NSMCE2: variants seen among roughly 807,000 people sequenced by gnomAD.
NSMCE2 encodes the protein E3 SUMO-protein ligase NSE2.
In NSMCE2, 24 loss-of-function variants were observed where a neutral mutation model predicts 23.8. That is an observed-to-expected ratio of 1.01 (90% confidence interval 0.73 to 1.42). NSMCE2 has a LOEUF of 1.42. Among genes scored for constraint, NSMCE2 ranks in the 40% most tolerant of loss-of-function variants. The probability of loss-of-function intolerance (pLI) is 0.00; values close to 1 mark genes in which losing one functional copy is unlikely to be tolerated. For synonymous variants in NSMCE2, 92 were observed against 94.1 expected, an observed-to-expected ratio of 0.98 and a Z score of 0.13; for missense variants, 284 against 296.5, an observed-to-expected ratio of 0.96 and a Z score of 0.31.
At chr8:125,125,164 T>G (rs1784670600) in intron 3 of NSMCE2, among the ~76,000 whole-genome samples, 1 of 152,060 alleles carries the variant, frequency 6.6e-6, no homozygotes, top group South Asian at 2.1e-4. Flanking sequence ...TGGATGCCCT[T>G]TATTTCTTTT....
chr8:125,142,649 T>C (rs992189537), intron 3 of NSMCE2, among the ~76,000 whole-genome samples: 1 of 151,962 alleles, frequency 6.6e-6, no homozygotes, highest in Admixed American at 6.6e-5. Flanking sequence ...TTGTTGCCCA[T>C]GCTGGAGGAC....
chr8:125,292,259 A>C (rs1041530949), intron 5 of NSMCE2, among the ~76,000 whole-genome samples: 4 of 151,880 alleles, frequency 2.6e-5, no homozygotes, highest in Non-Finnish European at 4.4e-5. Context: ...AAAGAAGAAG[A>C]AGCTGTGGGA....
rs147791903 is a variant in NSMCE2, at chr8:125,233,061, C to T, written c.418+50805C>T. On this transcript the variant is annotated intron_variant, in intron 5 of 7. Transcript: ENST00000287437. Reference sequence around the variant, plus strand: ...CATCTTCTACAGGGATGTGACCTTACGGAAAAGTAAGGAATCTGAAGCGTG... The same window carrying T: ...CATCTTCTACAGGGATGTGACCTTATGGAAAAGTAAGGAATCTGAAGCGTG... 9.2e-5 allele frequency among the ~76,000 whole-genome samples: 14 copies of T among 152,274 alleles called. No homozygotes were observed. The East Asian group carries it at 1.7e-3, about 19-fold the overall frequency.
At chr8:125,185,376 G>T (rs1273695816) in intron 5 of NSMCE2, among the ~76,000 whole-genome samples, 2 of 151,834 alleles carry the variant, frequency 1.3e-5, no homozygotes, top group Admixed American at 6.6e-5. Flanking sequence ...GTGCAACCCT[G>T]GCTCACTTCA....
chr8:125,262,096 C>CAAAAT (rs10654840), intron 5 of NSMCE2, among the ~76,000 whole-genome samples: 59,461 of 142,784 alleles, frequency 0.42, 14,833 homozygotes, highest in Non-Finnish European at 0.54. Context: ...GACTCTGTCT[C>CAAAAT]AAAATAAAAT....
rs113680037 is a variant in NSMCE2 at position 125,172,769 on chromosome 8, A to G, written c.265-9334A>G. ...AGATACTTTAGTCTTAGCTTTTGCT[A>G]TTGGTTCTGAATCCAAAGTTGGTAT... On this transcript the variant is annotated intron_variant, in intron 4 of 7. Transcript: ENST00000287437. Among the ~76,000 whole-genome samples, 824 of 152,352 alleles carry G rather than the reference A, an allele frequency of 5.4e-3. 13 individuals are homozygous for G. The highest frequency in any genetic ancestry group is 0.024 in the Middle Eastern group (7 of 294).
At chr8:125,106,992 T>A (rs1818493560) in intron 3 of NSMCE2, among the ~76,000 whole-genome samples, 1 of 150,736 alleles carries the variant, frequency 6.6e-6, no homozygotes, top group African/African-American at 2.4e-5. Flanking sequence ...CAAAATTCTG[T>A]CTCAAAAAAA....
intron 5 of NSMCE2, among the ~76,000 whole-genome samples, chr8:125,328,650 A>C (rs1829764489): frequency 6.6e-6 from 1 of 152,318 alleles, no homozygotes; most frequent in East Asian, 1.9e-4. Flanking sequence ...CTGGTGCACA[A>C]ATTCTCAATG....
intron 5 of NSMCE2, among the ~76,000 whole-genome samples, chr8:125,304,873 GCC>G (rs1828692720): frequency 7.0e-6 from 1 of 143,820 alleles, no homozygotes; most frequent in Non-Finnish European, 1.5e-5. Flanking sequence ...GGGCAACAGA[GCC>G]AGACTCTGAA....
At chr8:125,152,362 C>T (rs1228469679) in intron 4 of NSMCE2, among the ~76,000 whole-genome samples, 2 of 152,182 alleles carry the variant, frequency 1.3e-5, no homozygotes, top group South Asian at 2.1e-4. Context: ...CAGCCGAACC[C>T]TAGAACCAGC....
intron 5 of NSMCE2, among the ~76,000 whole-genome samples, chr8:125,327,629 A>G (rs1829722528): frequency 6.6e-6 from 1 of 151,954 alleles, no homozygotes; most frequent in Non-Finnish European, 1.5e-5. Flanking sequence ...TAAGGAGGCT[A>G]GAAGTCTTTG....
intron 5 of NSMCE2, among the ~76,000 whole-genome samples, chr8:125,306,472 C>T (rs948672467): frequency 6.6e-6 from 1 of 152,304 alleles, no homozygotes; most frequent in Admixed American, 6.5e-5. Flanking sequence ...CTTCCTCCCT[C>T]CCTTCCCCAC....
At chr8:125,138,986 T>A (rs1470135765) in intron 3 of NSMCE2, among the ~76,000 whole-genome samples, 3 of 152,156 alleles carry the variant, frequency 2.0e-5, no homozygotes, top group Non-Finnish European at 4.4e-5. Flanking sequence ...AGTTATGTGG[T>A]GTAAATAAGT....
chr8:125,216,940 G>A (rs1031152295), intron 5 of NSMCE2, among the ~76,000 whole-genome samples: 1 of 152,152 alleles, frequency 6.6e-6, no homozygotes, highest in South Asian at 2.1e-4. Context: ...CACAGTTAGC[G>A]TACAGGTAAC....
At chr8:125,306,335 C>T (rs954457942) in intron 5 of NSMCE2, among the ~76,000 whole-genome samples, 1 of 150,476 alleles carries the variant, frequency 6.6e-6, no homozygotes, top group African/African-American at 2.4e-5. Flanking sequence ...CAAAACAAAA[C>T]AAAAACATAA....
intron 4 of NSMCE2, among the ~76,000 whole-genome samples, chr8:125,171,324 C>T (rs1311400316): frequency 6.6e-6 from 1 of 152,210 alleles, no homozygotes; most frequent in Admixed American, 6.5e-5. Context: ...TGTGTGGCCT[C>T]TAATAGGCTC....
intron 3 of NSMCE2, among the ~76,000 whole-genome samples, chr8:125,142,163 A>C (rs1278694292): frequency 2.0e-5 from 3 of 152,174 alleles, no homozygotes; most frequent in Non-Finnish European, 2.9e-5. Context: ...AATGACAAAT[A>C]TTTTGTTAGT....
intron 5 of NSMCE2, among the ~76,000 whole-genome samples, chr8:125,349,158 C>G (rs1410198157): frequency 1.3e-5 from 2 of 152,086 alleles, no homozygotes; most frequent in Non-Finnish European, 2.9e-5. Context: ...GGTGGGGTTA[C>G]TGGTAGCCCC....
At chr8:125,122,323 G>C (rs1352795576) in intron 3 of NSMCE2, among the ~76,000 whole-genome samples, 1 of 151,978 alleles carries the variant, frequency 6.6e-6, no homozygotes, top group African/African-American at 2.4e-5. Context: ...GATCATCTTT[G>C]TTTGATTGTT....
Sources: gnomAD v4.1 joint callset for allele counts (sites outside exome capture counted in the v4.1 genomes callset) on GRCh38, gnomAD v4.1.1 for gene constraint, MANE v1.5 for transcripts, NCBI Gene and HGNC (gene_info 2026-07-23, HGNC 2026-07-21) for gene names.